The following MANBA variants were observed in gnomAD, a reference collection of about 807,000 sequenced individuals.
MANBA encodes mannosidase beta.
Under a neutral mutation model 111.1 loss-of-function variants are expected in MANBA, and 83 were observed. That is an observed-to-expected ratio of 0.75 (90% CI 0.63 to 0.90). MANBA has a LOEUF of 0.90. Among genes scored for constraint, MANBA ranks in the 40% least tolerant of loss-of-function variants. The pLI, the probability that MANBA is intolerant of heterozygous loss-of-function variation, is 0.00. For synonymous variants in MANBA, 370 were observed against 378.7 expected, an observed-to-expected ratio of 0.98 and a Z score of 0.27; for missense variants, 1,036 against 1,069.0, an observed-to-expected ratio of 0.97 and a Z score of 0.43.
chr4:102,694,149 C>T (rs1238408443), intron 5 of MANBA, among the ~76,000 whole-genome samples: 1 of 152,148 alleles, frequency 6.6e-6, no homozygotes, highest in Non-Finnish European at 1.5e-5. Context: ...GGTTCTCGAG[C>T]AAGTCCGCAC....
chr4:102,645,498 T>C (rs910826554), intron 13 of MANBA, among the ~76,000 whole-genome samples: 1 of 152,070 alleles, frequency 6.6e-6, no homozygotes, highest in South Asian at 2.1e-4. Context: ...TCCTGGATTT[T>C]TCTTTTTACG....
At chr4:102,733,267 G>C (rs1426368005) in intron 1 of MANBA, among the ~76,000 whole-genome samples, 2 of 151,864 alleles carry the variant, frequency 1.3e-5, no homozygotes, top group Non-Finnish European at 2.9e-5. Context: ...AAACTTTAAC[G>C]AAGGAGGTAG....
At chr4:102,680,107 G>A (rs1476182079) in intron 7 of MANBA, among the ~76,000 whole-genome samples, 1 of 152,172 alleles carries the variant, frequency 6.6e-6, no homozygotes, top group Non-Finnish European at 1.5e-5. Context: ...TGGAAAACCA[G>A]CAACTCTTTG....
chr4:102,634,747 A>G lies in MANBA; in HGVS notation c.2415+41T>C, dbSNP rs761500455. 3 of 1,612,014 alleles carry G rather than the reference A, an allele frequency of 1.9e-6. No individual in the cohort carries two copies. The South Asian group carries it at 3.3e-5, about 18-fold the overall frequency. ...TGGCCCAAGAGCAGGAGAACCCCACAAGGCCACAGTCCCCTGCCCTCCGCC... is the reference window on the plus strand; with the variant it reads ...TGGCCCAAGAGCAGGAGAACCCCACGAGGCCACAGTCCCCTGCCCTCCGCC... On this transcript the variant is annotated intron_variant, in intron 16 of 16. Coordinates refer to ENST00000647097, the MANE Select transcript of MANBA (RefSeq NM_005908.4).
chr4:102,687,525 T>C (rs541071037), intron 7 of MANBA, among the ~76,000 whole-genome samples: 4 of 152,300 alleles, frequency 2.6e-5, no homozygotes, highest in Middle Eastern at 3.4e-3. Flanking sequence ...TTGAAATTTC[T>C]TTCACTTCTG....
chr4:102,664,559 C>T (rs554843641), intron 11 of MANBA, 126 bp downstream of exon 11: 16 of 801,928 alleles, frequency 2.0e-5, no homozygotes, highest in African/African-American at 5.2e-5. Flanking sequence ...ACCGTGGTCT[C>T]GATCTCCTGA....
chr4:102,717,397 C>T (rs549902382), intron 4 of MANBA, among the ~76,000 whole-genome samples: 109 of 148,538 alleles, frequency 7.3e-4, no homozygotes, highest in South Asian at 4.0e-3. Flanking sequence ...GGGTGAGTAC[C>T]GTTTATCCAC....
chr4:102,722,008 C>T (rs1315777999), intron 4 of MANBA, among the ~76,000 whole-genome samples: 3 of 121,338 alleles, frequency 2.5e-5, no homozygotes, highest in African/African-American at 6.6e-5. Flanking sequence ...CCAGCCTGGG[C>T]GACAGAGTGT....
chr4:102,752,130 T>C (rs933165935), intron 1 of MANBA: 1 of 768,648 alleles, frequency 1.3e-6, no homozygotes, highest in African/African-American at 1.7e-5. Flanking sequence ...ACTCCCATAG[T>C]GACCCTCTCT....
At chr4:102,641,999 G>A (rs915248066) in intron 13 of MANBA, among the ~76,000 whole-genome samples, 3 of 151,772 alleles carry the variant, frequency 2.0e-5, no homozygotes, top group Non-Finnish European at 2.9e-5. Flanking sequence ...CACACAGATG[G>A]TACCATGCTA....
intron 4 of MANBA, among the ~76,000 whole-genome samples, chr4:102,714,781 G>T (rs1041986425): frequency 1.3e-5 from 2 of 152,190 alleles, no homozygotes; most frequent in Non-Finnish European, 2.9e-5. Context: ...TCCTGAAGCC[G>T]ATCTCCTCTG....
At chr4:102,689,772 A>C in intron 6 of MANBA, 88 bp from the exon 7 acceptor site, 3 of 789,238 alleles carry the variant, frequency 3.8e-6, no homozygotes, top group Non-Finnish European at 6.9e-6. Flanking sequence ...CAAATAGTCA[A>C]GTACAAAACT....
chr4:102,736,237 T>C lies in MANBA; in HGVS notation c.178-9554A>G, dbSNP rs575905849. 6.6e-5 allele frequency among the ~76,000 whole-genome samples: 10 copies of C among 152,258 alleles called. No individual in the cohort carries two copies. The East Asian group carries it at 1.7e-3, about 26-fold the overall frequency. ...ACCATTAACATCACAACACCACCAA[T>C]AGTTACAATGTCAGTGCTTATAAAG... On this transcript the variant is annotated intron_variant, in intron 1 of 16. Transcript: ENST00000647097.
At chr4:102,642,273 C>T (rs1015326985) in intron 13 of MANBA, among the ~76,000 whole-genome samples, 12 of 152,146 alleles carry the variant, frequency 7.9e-5, no homozygotes, top group African/African-American at 2.9e-4. Context: ...TCTAGGTTAT[C>T]CAGTCCACTG....
At chr4:102,690,233 C>T (rs1397701304) in intron 6 of MANBA, among the ~76,000 whole-genome samples, 1 of 151,898 alleles carries the variant, frequency 6.6e-6, no homozygotes, top group Non-Finnish European at 1.5e-5. Context: ...TATCAATAAT[C>T]AAAATAATTG....
At chr4:102,658,111 G>T (rs1224651573) in intron 11 of MANBA, among the ~76,000 whole-genome samples, 1 of 152,168 alleles carries the variant, frequency 6.6e-6, no homozygotes, top group Non-Finnish European at 1.5e-5. Context: ...GTAACACTTA[G>T]CTCATCCCTC....
intron 7 of MANBA, among the ~76,000 whole-genome samples, chr4:102,689,331 A>G (rs1358667591): frequency 7.1e-6 from 1 of 140,248 alleles, no homozygotes; most frequent in African/African-American, 2.6e-5. Context: ...CCTGAGTGAC[A>G]GAGCAAGACT....
chr4:102,689,738 G>C, intron 6 of MANBA, 54 bp from the exon 7 acceptor site: 1 of 1,021,552 alleles, frequency 9.8e-7, no homozygotes, highest in South Asian at 1.3e-5. Context: ...AGCAAAAAAG[G>C]CTCAAAGCAT....
At chr4:102,688,343 TCACA>T (rs1315932236) in intron 7 of MANBA, among the ~76,000 whole-genome samples, 1 of 146,780 alleles carries the variant, frequency 6.8e-6, no homozygotes, top group Non-Finnish European at 1.5e-5. Context: ...TCTTCCCCTC[TCACA>T]CACACATACA....
Sources: gnomAD v4.1 joint callset for allele counts (sites outside exome capture counted in the v4.1 genomes callset) on GRCh38, gnomAD v4.1.1 for gene constraint, MANE v1.5 for transcripts, NCBI Gene and HGNC (gene_info 2026-07-23, HGNC 2026-07-21) for gene names.